Variants in ANKRD28 observed in about 807,000 individuals in gnomAD.
The protein encoded by ANKRD28 is serine/threonine-protein phosphatase 6 regulatory ankyrin repeat subunit A.
A neutral mutation model predicts 126.5 loss-of-function variants in ANKRD28; 44 were observed. The ratio of observed to expected loss-of-function variants is 0.35; its 90% CI spans 0.27 to 0.45. ANKRD28 has a LOEUF of 0.45. Ranked by LOEUF, ANKRD28 falls within the 20% of genes least tolerant of loss-of-function variation. The probability of loss-of-function intolerance (pLI) is 1.00; values close to 1 mark genes in which losing one functional copy is unlikely to be tolerated. For synonymous variants in ANKRD28, 442 were observed against 468.5 expected, an observed-to-expected ratio of 0.94 and a Z score of 0.73; for missense variants, 1,110 against 1,316.6, an observed-to-expected ratio of 0.84 and a Z score of 2.43.
rs375505305 is a variant in ANKRD28, at chr3:15,752,042, A to G, written c.281-222T>C. Among the ~76,000 whole-genome samples, 4 of 152,250 alleles carry G rather than the reference A, an allele frequency of 2.6e-5. No individual in the cohort carries two copies. The East Asian group carries it at 7.7e-4, about 29-fold the overall frequency. ...AATAAAGTCTTAGTTTTTTAATTTA[A>G]AACAAAATAAACATCATTTTATATA... On this transcript the variant is annotated intron_variant, in intron 3 of 27. Coordinates refer to ENST00000683139, the MANE Select transcript of ANKRD28 (RefSeq NM_001349278.2).
chr3:15,778,227 CCT>C (rs1239813127), intron 2 of ANKRD28, among the ~76,000 whole-genome samples: 2 of 151,970 alleles, frequency 1.3e-5, no homozygotes, highest in Admixed American at 1.3e-4. Context: ...TTGTTTATTC[CCT>C]GTTTTTATAC....
At chr3:15,800,925 A>C (rs1168351792), upstream of ANKRD28, among the ~76,000 whole-genome samples, 1 of 152,096 alleles carries the variant, frequency 6.6e-6, no homozygotes, top group Non-Finnish European at 1.5e-5. Context: ...ACAGGCTCCT[A>C]CCCTCAAGGA....
At chr3:15,751,701 C>T (rs1458835959) in intron 4 of ANKRD28, 49 bp downstream of exon 4, 4 of 1,202,390 alleles carry the variant, frequency 3.3e-6, no homozygotes, top group Non-Finnish European at 4.8e-6. Flanking sequence ...AGGGGTACGC[C>T]TATTTAATGT....
At chr3:15,685,663 AAGAG>A (rs1559332806) in intron 20 of ANKRD28, among the ~76,000 whole-genome samples, 1 of 152,218 alleles carries the variant, frequency 6.6e-6, no homozygotes, top group Non-Finnish European at 1.5e-5. Flanking sequence ...TGAAAACAGG[AAGAG>A]AGAAACTTGG....
At chr3:15,674,174 C>CAAAAAAAAA (rs34806568) in intron 27 of ANKRD28, among the ~76,000 whole-genome samples, 570 of 40,044 alleles carry the variant, frequency 0.014, 67 homozygotes, top group Non-Finnish European at 0.018. Context: ...CCTGCCTCTT[C>CAAAAAAAAA]AAAAAAAAAA....
At chr3:15,761,569 T>C (rs1475041292) in intron 3 of ANKRD28, among the ~76,000 whole-genome samples, 1 of 152,190 alleles carries the variant, frequency 6.6e-6, no homozygotes, top group African/African-American at 2.4e-5. Context: ...TCCTGGAGCA[T>C]CTATACAGAA....
At chr3:15,719,448 C>G (rs1221933260) in intron 8 of ANKRD28, among the ~76,000 whole-genome samples, 23 of 152,062 alleles carry the variant, frequency 1.5e-4, no homozygotes. Flanking sequence ...AATACAGAAA[C>G]AACTAACGAA....
At chr3:15,679,094 C>T (rs1489664725) in intron 23 of ANKRD28, among the ~76,000 whole-genome samples, 1 of 152,048 alleles carries the variant, frequency 6.6e-6, no homozygotes, top group African/African-American at 2.4e-5. Flanking sequence ...CCTGCCTCAG[C>T]CTCCTGAACA....
In ANKRD28 at chr3:15,768,998, A is replaced by AT. The variant is rs570547821; in HGVS notation, c.202-2687dup. 3.6e-3 allele frequency among the ~76,000 whole-genome samples: 551 copies of AT among 152,284 alleles called. 7 individuals are homozygous for AT. The highest frequency in any genetic ancestry group is 0.013 in the African/African-American group (529 of 41,554). On this transcript the variant is annotated intron_variant, in intron 2 of 27. Coordinates refer to ENST00000683139, the MANE Select transcript of ANKRD28 (RefSeq NM_001349278.2). The stretch of plus-strand genomic sequence containing the variant: ...TGCAAAGATGTGTCCTAATTTAGTC[A>AT]TTTTTTTAAAAGAAAGGATACTTTG...
chr3:15,685,427 C>T lies in ANKRD28; in HGVS notation c.2188G>A (p.Glu730Lys). The T allele has an allele frequency of 6.2e-7, 1 of 1,614,000 alleles. No individual in the cohort carries two copies. The highest frequency in any genetic ancestry group is 8.5e-7 in the Non-Finnish European group (1 of 1,179,850). Reference protein sequence around the residue: ...LHRGAVTGHEECVDALLQHGA... With the variant: ...LHRGAVTGHEKCVDALLQHGA... The stretch of plus-strand genomic sequence containing the variant: ...TGTTGAAGTAATGCATCTACACATT[C>T]TTCATGGCCTGTAACTGCCTGAAAG... The change falls in exon 21 of 28, where the codon GAA (glutamate) becomes AAA (lysine). Residue 730 changes from glutamate (E) to lysine (K), a missense_variant. Coordinates refer to ENST00000683139, the MANE Select transcript of ANKRD28 (RefSeq NM_001349278.2).
At chr3:15,729,967 C>T (rs760596547) in intron 6 of ANKRD28, among the ~76,000 whole-genome samples, 3 of 152,146 alleles carry the variant, frequency 2.0e-5, no homozygotes, top group Non-Finnish European at 4.4e-5. Flanking sequence ...CAGCTCACTG[C>T]AGCCTCGACC....
upstream of ANKRD28, among the ~76,000 whole-genome samples, chr3:15,799,435 A>G (rs1240995027): frequency 1.3e-5 from 2 of 152,172 alleles, no homozygotes; most frequent in Admixed American, 1.3e-4. Flanking sequence ...ACTCTAACAT[A>G]TTTGTACCAA....
intron 1 of ANKRD28, among the ~76,000 whole-genome samples, chr3:15,856,298 C>G (rs1186203028): frequency 6.6e-6 from 1 of 152,206 alleles, no homozygotes; most frequent in Non-Finnish European, 1.5e-5. Context: ...ATGATGTCCA[C>G]TACTCCCTGT....
Position 15,675,948 on chromosome 3 carries a change from A to G in ANKRD28, c.2915T>C (p.Val972Ala). ...TGCTCCTTTTCCCAAAAGTTCCTGA[A>G]CCACCATTGTTAGCCCATTTCGGGC... ...VAARNGLTMV[V>A]QELLGKGASV... Residue 972 changes from valine (V) to alanine (A), a missense_variant, in exon 27 of 28, where the codon GTT (valine) becomes GCT (alanine). By Grantham distance (64) the Val-to-Ala change is moderately conservative. Transcript: ENST00000683139. 6.2e-7 allele frequency: 1 copy of G among 1,613,120 alleles called. No homozygotes were observed. Among genetic ancestry groups the G allele is most frequent in the Non-Finnish European group, 8.5e-7 (1 of 1,179,322 alleles).
Position 15,668,755 on chromosome 3 carries a change from T to C in ANKRD28, c.*1515A>G, listed in dbSNP as rs1295673947. ...TCAAAAAACCCACAAAATTATCAAA[T>C]AGATCAAAATACTGTTCTGTGTTTT... On this transcript the variant is annotated 3_prime_UTR_variant, in exon 28 of 28. Transcript: ENST00000683139. 1.3e-5 allele frequency: 2 copies of C among 152,610 alleles called. No homozygotes were observed. The highest frequency in any genetic ancestry group is 4.8e-5 in the African/African-American group (2 of 41,464). 9.5% of individuals were successfully genotyped at this position (152,610 alleles called of 1,614,324 possible).
chr3:15,818,120 C>G (rs2060870687), intron 1 of ANKRD28, among the ~76,000 whole-genome samples: 1 of 152,046 alleles, frequency 6.6e-6, no homozygotes, highest in Admixed American at 6.6e-5. Context: ...GTAAAGAAAA[C>G]AGATACAGGA....
At chr3:15,745,859 A>G (rs1306907771) in intron 4 of ANKRD28, among the ~76,000 whole-genome samples, 2 of 151,770 alleles carry the variant, frequency 1.3e-5, no homozygotes, top group Admixed American at 6.6e-5. Flanking sequence ...ATATGTTTCT[A>G]TTTGTGTTGT....
intron 1 of ANKRD28, chr3:15,859,367 C>T (rs1466300654): frequency 6.5e-7 from 1 of 1,528,892 alleles, no homozygotes; most frequent in East Asian, 2.6e-5. Flanking sequence ...CCCTGCAGCC[C>T]CTCACCTACC....
intron 1 of ANKRD28, among the ~76,000 whole-genome samples, chr3:15,826,322 T>C (rs1191306140): frequency 6.6e-6 from 1 of 152,216 alleles, no homozygotes; most frequent in Non-Finnish European, 1.5e-5. Flanking sequence ...ATCAGGGCTT[T>C]TGGGGTATCC....
Sources: gnomAD v4.1 joint callset for allele counts (sites outside exome capture counted in the v4.1 genomes callset) on GRCh38, gnomAD v4.1.1 for gene constraint, MANE v1.5 for transcripts, NCBI Gene and HGNC (gene_info 2026-07-23, HGNC 2026-07-21) for gene names.